Variants in ZCWPW1 observed in about 807,000 individuals in gnomAD.
The protein encoded by ZCWPW1 is zinc finger CW-type PWWP domain protein 1.
In ZCWPW1, 56 loss-of-function variants were observed where a neutral mutation model predicts 81.3. That is an observed-to-expected ratio of 0.69 (90% CI 0.56 to 0.86). The LOEUF is 0.86. ZCWPW1 is among the 40% of genes least tolerant of loss of function. The pLI, the probability that ZCWPW1 is intolerant of heterozygous loss-of-function variation, is 0.00. For synonymous variants in ZCWPW1, 250 were observed against 273.7 expected (o/e 0.91, Z 0.86); for missense variants, 650 against 769.8 (o/e 0.84, Z 1.84).
chr7:100,409,146 C>T (rs1793680146), intron 9 of ZCWPW1, among the ~76,000 whole-genome samples: 1 of 152,072 alleles, frequency 6.6e-6, no homozygotes, highest in Admixed American at 6.6e-5. Flanking sequence ...ATCCACCAAC[C>T]CAATACCAAT....
At chr7:100,401,366 C>CCTT in intron 17 of ZCWPW1, 30 bp from the exon 18 acceptor site, 1 of 1,506,992 alleles carries the variant, frequency 6.6e-7, no homozygotes, top group Non-Finnish European at 8.9e-7. Flanking sequence ...AGCCAAGAGT[C>CCTT]CTATTAGGTC....
chr7:100,405,583 G>A (rs1039531330), intron 12 of ZCWPW1, among the ~76,000 whole-genome samples: 2 of 152,124 alleles, frequency 1.3e-5, no homozygotes, highest in East Asian at 1.9e-4. Flanking sequence ...TTTAGGGATC[G>A]GACATAACAC....
chr7:100,422,137 A>C (rs1796468915), intron 2 of ZCWPW1, among the ~76,000 whole-genome samples: 1 of 152,206 alleles, frequency 6.6e-6, no homozygotes, highest in East Asian at 1.9e-4. Flanking sequence ...AACATTTTAC[A>C]CTTGGGGGAA....
At chr7:100,411,446 A>G (rs1159408648) in intron 8 of ZCWPW1, among the ~76,000 whole-genome samples, 2 of 151,864 alleles carry the variant, frequency 1.3e-5, no homozygotes, top group Non-Finnish European at 2.9e-5. Context: ...TTTTGTATTT[A>G]TTGACAGAGG....
At position 100,416,390 on chromosome 7, in the gene ZCWPW1, C is replaced by T. The variant is rs749575607; in HGVS notation, c.546G>A (p.Arg182=). 8.1e-6 allele frequency: 13 copies of T among 1,614,018 alleles called. No homozygotes were observed. The highest frequency in any genetic ancestry group is 5.9e-6 in the Non-Finnish European group (7 of 1,180,036). Residue 182 remains arginine (R), a synonymous_variant, in exon 7 of 18, where the codon AGG becomes AGA. Coordinates refer to ENST00000684423, the MANE Select transcript of ZCWPW1 (RefSeq NM_001386010.1). ...SWEGEAAPEI[R]TSKLGQPDPA... ...GATCTGGCTGGCCTAACTTAGATGT[C>T]CTTATCTCAGGGGCAGCTTCACCTT...
intron 1 of ZCWPW1, 64 bp downstream of exon 1, chr7:100,428,504 C>T (rs918571074): frequency 2.0e-5 from 3 of 152,668 alleles, no homozygotes; most frequent in African/African-American, 7.2e-5. Flanking sequence ...TTCAGACTGC[C>T]TTTTCCTCCC....
chr7:100,405,815 C>T (rs886367426), intron 12 of ZCWPW1, among the ~76,000 whole-genome samples: 9 of 152,080 alleles, frequency 5.9e-5, no homozygotes, highest in Admixed American at 4.6e-4. Flanking sequence ...TTAGTAGAGA[C>T]GGGGTTTCAC....
chr7:100,423,181 T>C (rs1208123287), intron 2 of ZCWPW1, among the ~76,000 whole-genome samples: 2 of 152,214 alleles, frequency 1.3e-5, no homozygotes, highest in African/African-American at 4.8e-5. Context: ...TCAGTGTTAA[T>C]ATATTGTTGA....
At position 100,409,539 on chromosome 7, in the gene ZCWPW1, A is replaced by G; in HGVS notation, c.760T>C (p.Cys254Arg). ...AAGGAACACTGGACCCAGACCAGAC[A>G]TTGACCTGTGAGAGGAAAAAAATGA... is the stretch of plus-strand genomic sequence containing the variant. ...QKGEISGFGQ[C>R]LVWVQCSFPN... Residue 254 changes from cysteine to arginine, a missense_variant, in exon 9 of 18, where the codon TGT (cysteine) becomes CGT (arginine). By Grantham distance (180) the Cys-to-Arg change is radical. Transcript: ENST00000684423. 1 of 1,612,452 alleles carries G rather than the reference A, an allele frequency of 6.2e-7. No homozygotes were observed. Among genetic ancestry groups the G allele is most frequent in the Non-Finnish European group, 8.5e-7 (1 of 1,178,802 alleles).
chr7:100,418,588 C>T (rs1795779674), intron 5 of ZCWPW1: 1 of 152,260 alleles, frequency 6.6e-6, no homozygotes, highest in African/African-American at 2.4e-5. Context: ...GTCAAGAGTT[C>T]GAGACCAGCC....
At chr7:100,401,795 GA>G in intron 17 of ZCWPW1, 93 bp downstream of exon 17, 1 of 1,471,016 alleles carries the variant, frequency 6.8e-7, no homozygotes, top group Non-Finnish European at 9.2e-7. Flanking sequence ...GTAAAGTAAT[GA>G]AAAGCTGTAA....
chr7:100,413,002 C>T (rs1037160043), intron 8 of ZCWPW1, among the ~76,000 whole-genome samples: 1 of 152,178 alleles, frequency 6.6e-6, no homozygotes, highest in African/African-American at 2.4e-5. Flanking sequence ...ATCTTCCTGC[C>T]TCTGCCTCCC....
chr7:100,426,486 C>T (rs1369842670), intron 1 of ZCWPW1, among the ~76,000 whole-genome samples: 6 of 125,772 alleles, frequency 4.8e-5, no homozygotes, highest in Non-Finnish European at 4.8e-5. Context: ...GAGTGAGACT[C>T]TGTCTCAAAA....
At position 100,401,131 on chromosome 7, in the gene ZCWPW1, A is replaced by C; in HGVS notation, c.1833T>G (p.Ser611Arg). ...GSVPLEDEAS[S>R]DLDLEQLMED... is the part of the protein sequence containing the mutation. ...CCATGAGTTGCTCCAGGTCCAGGTC[A>C]CTGGAGGCTTCGTCCTCAAGGGGGA... The change falls in exon 18 of 18, where the codon AGT becomes AGG. Residue 611 changes from serine (S) to arginine (R), a missense_variant. Transcript: ENST00000684423. The C allele has an allele frequency of 6.2e-7, 1 of 1,614,204 alleles. No individual in the cohort carries two copies. Among genetic ancestry groups the C allele is most frequent in the Non-Finnish European group, 8.5e-7 (1 of 1,180,008 alleles).
At chr7:100,415,316 T>G (rs1363180604) in intron 8 of ZCWPW1, among the ~76,000 whole-genome samples, 1 of 151,872 alleles carries the variant, frequency 6.6e-6, no homozygotes, top group Middle Eastern at 3.2e-3. Context: ...CTCCTGACCT[T>G]GTGATCCACC....
At chr7:100,403,649 C>G (rs530597071) in intron 15 of ZCWPW1, 45 bp downstream of exon 15, 2 of 1,535,000 alleles carry the variant, frequency 1.3e-6, no homozygotes, top group Non-Finnish European at 1.8e-6. Context: ...CCTGGTGAAA[C>G]TCCATCTCTA....
intron 8 of ZCWPW1, among the ~76,000 whole-genome samples, chr7:100,412,872 C>T (rs1356552110): frequency 6.6e-6 from 1 of 152,078 alleles, no homozygotes; most frequent in Non-Finnish European, 1.5e-5. Flanking sequence ...TGAGCCACCA[C>T]GCCCAGCCTT....
At chr7:100,402,691 G>T in intron 15 of ZCWPW1, 115 bp from the exon 16 acceptor site, 2 of 1,041,866 alleles carry the variant, frequency 1.9e-6, no homozygotes, top group Non-Finnish European at 3.0e-6. Flanking sequence ...AGTAGCTTCT[G>T]TGAGCCTGAT....
intron 10 of ZCWPW1, among the ~76,000 whole-genome samples, 187 bp from the exon 11 acceptor site, chr7:100,407,490 G>C (rs1362187839): frequency 6.6e-6 from 1 of 152,038 alleles, no homozygotes; most frequent in Non-Finnish European, 1.5e-5. Flanking sequence ...TCTGTCAGGC[G>C]CAAGTGATCC....
Sources: gnomAD v4.1 joint callset for allele counts (sites outside exome capture counted in the v4.1 genomes callset) on GRCh38, gnomAD v4.1.1 for gene constraint, MANE v1.5 for transcripts, NCBI Gene and HGNC (gene_info 2026-07-23, HGNC 2026-07-21) for gene names.